The following WWP2 variants were observed in gnomAD, a reference collection of about 807,000 sequenced individuals.
WWP2 encodes NEDD4-like E3 ubiquitin-protein ligase WWP2.
A neutral mutation model predicts 121.0 loss-of-function variants in WWP2; 57 were observed. The observed-to-expected ratio is 0.47, with a 90% confidence interval of 0.38 to 0.59. WWP2 has a LOEUF of 0.59. Ranked by LOEUF, WWP2 falls within the 20% of genes least tolerant of loss-of-function variation. The pLI is 0.00. For missense variants in WWP2, 962 were observed against 1,158.9 expected, an observed-to-expected ratio of 0.83 and a Z score of 2.47; for synonymous variants, 449 against 441.3, an observed-to-expected ratio of 1.02 and a Z score of -0.22.
intron 8 of WWP2, among the ~76,000 whole-genome samples, chr16:69,902,888 T>C (rs1050672664): frequency 6.6e-6 from 1 of 151,866 alleles, no homozygotes; most frequent in African/African-American, 2.4e-5. Flanking sequence ...GGGGAGAGAT[T>C]TGTGTGAATT....
At position 69,901,175 on chromosome 16, in the gene WWP2, C is replaced by T. The variant is rs574844134; in HGVS notation, c.915-7586C>T. Among the ~76,000 whole-genome samples, 12 of 152,282 alleles carry T rather than the reference C, an allele frequency of 7.9e-5. No individual in the cohort carries two copies. In the South Asian group the frequency reaches 2.3e-3, roughly 29 times the overall value. On this transcript the variant is annotated intron_variant, in intron 8 of 23. Coordinates refer to ENST00000359154, the MANE Select transcript of WWP2 (RefSeq NM_001270454.2). ...CAGAAGAAATAAATCTTATGGTTCT[C>T]CCCGGAAGTGGCCAAAGCTTGGAGG...
At chr16:69,794,613 C>A (rs1375856297) in intron 2 of WWP2, among the ~76,000 whole-genome samples, 2 of 152,116 alleles carry the variant, frequency 1.3e-5, no homozygotes, top group African/African-American at 4.8e-5. Context: ...GCCTAGAAAT[C>A]AGAAGTAAGA....
intron 4 of WWP2, among the ~76,000 whole-genome samples, chr16:69,807,777 A>C (rs1043782539): frequency 6.6e-6 from 1 of 151,658 alleles, no homozygotes; most frequent in Non-Finnish European, 1.5e-5. Flanking sequence ...ACATAGTGAG[A>C]CCCTGTTTCT....
rs1023395496 is a variant in WWP2 at position 69,882,716 on chromosome 16, A to G, written c.704-5323A>G. Among the ~76,000 whole-genome samples, 5 of 152,222 alleles carry G rather than the reference A, an allele frequency of 3.3e-5. No homozygotes were observed. The South Asian group carries it at 1.0e-3, about 31-fold the overall frequency. ...GATGCAGCAAGAACACAAGGGACAG[A>G]GAGTGGAAGTAGTGAAAAATGCGGG... On this transcript the variant is annotated intron_variant, in intron 7 of 23. Coordinates refer to ENST00000359154, the MANE Select transcript of WWP2 (RefSeq NM_001270454.2).
intron 6 of WWP2, among the ~76,000 whole-genome samples, chr16:69,867,816 G>T (rs551322634): frequency 1.3e-5 from 2 of 152,330 alleles, no homozygotes; most frequent in Non-Finnish European, 2.9e-5. Context: ...GCCTGCCCTG[G>T]GGGCTGTATA....
At position 69,904,027 on chromosome 16, in the gene WWP2, T is replaced by C. The variant is rs1160436783; in HGVS notation, c.915-4734T>C. ...GAGTTCTCAGCTACTTAAATTGCAT[T>C]AGGAGCAGATGTTATAAAAGAGAGG... is the stretch of plus-strand genomic sequence containing the variant. On this transcript the variant is annotated intron_variant, in intron 8 of 23. Coordinates refer to ENST00000359154, the MANE Select transcript of WWP2 (RefSeq NM_001270454.2). Among the ~76,000 whole-genome samples, 2 of 152,248 alleles carry C rather than the reference T, an allele frequency of 1.3e-5. 1 individual carries two copies. The highest frequency in any genetic ancestry group is 2.9e-5 in the Non-Finnish European group (2 of 68,044).
At chr16:69,918,104 A>C (rs556921732) in intron 10 of WWP2, among the ~76,000 whole-genome samples, 8 of 152,184 alleles carry the variant, frequency 5.3e-5, no homozygotes, top group Non-Finnish European at 7.3e-5. Flanking sequence ...TAAGGAATCA[A>C]CGTGTCTAAA....
chr16:69,920,245 T>G lies in WWP2; in HGVS notation c.1179+2362T>G, dbSNP rs563228509. Reference sequence around the variant, plus strand: ...GCAGAGGTGAGCAGAAAGTGTGGTGTTTGTCTTAGTAAGTTGCTCCAGGGT... The same window carrying G: ...GCAGAGGTGAGCAGAAAGTGTGGTGGTTGTCTTAGTAAGTTGCTCCAGGGT... On this transcript the variant is annotated intron_variant, in intron 10 of 23. Coordinates refer to ENST00000359154, the MANE Select transcript of WWP2 (RefSeq NM_001270454.2). Among the ~76,000 whole-genome samples, 36 of 152,250 alleles carry G rather than the reference T, an allele frequency of 2.4e-4. 1 individual carries two copies. In the South Asian group the frequency reaches 7.3e-3, roughly 31 times the overall value.
intron 1 of WWP2, among the ~76,000 whole-genome samples, chr16:69,781,702 C>T (rs535079839): frequency 1.6e-4 from 24 of 151,992 alleles, no homozygotes; most frequent in African/African-American, 5.3e-4. Context: ...ATAATAGAAA[C>T]GGGATAATTT....
At chr16:69,850,216 C>T (rs1332787828) in intron 6 of WWP2, among the ~76,000 whole-genome samples, 1 of 151,988 alleles carries the variant, frequency 6.6e-6, no homozygotes, top group Non-Finnish European at 1.5e-5. Context: ...GAAACCCCGT[C>T]CCTACTAAAA....
intron 6 of WWP2, among the ~76,000 whole-genome samples, chr16:69,846,070 A>AAAAAAAAAAAAAAAG (rs58504050): frequency 2.0e-5 from 3 of 149,652 alleles, no homozygotes; most frequent in African/African-American, 7.4e-5. Flanking sequence ...AAAAAAAAAA[A>AAAAAAAAAAAAAAAG]GAATACTTAT....
intron 1 of WWP2, among the ~76,000 whole-genome samples, chr16:69,783,824 G>A (rs951593334): frequency 3.1e-5 from 4 of 127,322 alleles, no homozygotes; most frequent in Admixed American, 8.5e-5. Flanking sequence ...AGTTGTGGTG[G>A]CACATCTATA....
At chr16:69,840,827 G>A (rs1422599242) in intron 5 of WWP2, among the ~76,000 whole-genome samples, 1 of 152,176 alleles carries the variant, frequency 6.6e-6, no homozygotes, top group Non-Finnish European at 1.5e-5. Context: ...GAAATGGGTT[G>A]GGTTTCTCCA....
At chr16:69,912,565 A>G (rs1485905006) in intron 9 of WWP2, among the ~76,000 whole-genome samples, 3 of 151,930 alleles carry the variant, frequency 2.0e-5, no homozygotes, top group Non-Finnish European at 4.4e-5. Flanking sequence ...ATTGGAGGGT[A>G]GTTTTGTTTG....
In WWP2 at chr16:69,799,218, G is replaced by T; in HGVS notation, c.263G>T (p.Cys88Phe). 1 of 1,614,098 alleles carries T rather than the reference G, an allele frequency of 6.2e-7. No individual in the cohort carries two copies. Among genetic ancestry groups the T allele is most frequent in the Non-Finnish European group, 8.5e-7 (1 of 1,180,002 alleles). ...CATTTAGATTTAAAGGTCTGGAGCT[G>T]CCATACCTTGAGAAATGAACTGCTA... is the stretch of plus-strand genomic sequence containing the variant. Reference protein sequence around the residue: ...QSHLDLKVWSCHTLRNELLGT... With the variant: ...QSHLDLKVWSFHTLRNELLGT... The change falls in exon 4 of 24, where the codon TGC becomes TTC. Residue 88 changes from cysteine to phenylalanine, a missense_variant. This residue lies in a region of WWP2 where 145 missense variants were observed against 189.8 expected (regional missense o/e 0.76). Transcript: ENST00000359154. The surrounding 1 kb of genome is among the most constrained non-coding windows in gnomAD (Gnocchi z 4.5).
Position 69,934,030 on chromosome 16 carries a change from T to C in WWP2, c.1743T>C (p.Tyr581=). Residue 581 remains tyrosine (Y), a synonymous_variant, in exon 17 of 24, where the codon TAT becomes TAC. Transcript: ENST00000359154. ...VLNPMYCLFE[Y]AGKNNYCLQI... ...ACCCTATGTATTGTTTATTTGAATA[T>C]GCCGGAAAGAACAATTACTGCCTGC... 1 of 1,614,188 alleles carries C rather than the reference T, an allele frequency of 6.2e-7. No homozygotes were observed. Among genetic ancestry groups the C allele is most frequent in the South Asian group, 1.1e-5 (1 of 91,084 alleles).
At chr16:69,813,479 TAAATTGTTTGTTTATTTTAGATAG>T (rs1303314642) in intron 4 of WWP2, among the ~76,000 whole-genome samples, 2 of 152,116 alleles carry the variant, frequency 1.3e-5, no homozygotes, top group Non-Finnish European at 2.9e-5. Context: ...TGTTGTTTTT[TAAATTGTTTGTTTATTTTAGATAG>T]AGTCTTGCTC....
At chr16:69,877,805 T>G (rs2057759501) in intron 7 of WWP2, among the ~76,000 whole-genome samples, 1 of 151,994 alleles carries the variant, frequency 6.6e-6, no homozygotes, top group African/African-American at 2.4e-5. Flanking sequence ...AATTTGCTTT[T>G]TATTTATTTA....
intron 1 of WWP2, among the ~76,000 whole-genome samples, chr16:69,771,263 T>G (rs2055408917): frequency 6.6e-6 from 1 of 152,192 alleles, no homozygotes; most frequent in South Asian, 2.1e-4. Flanking sequence ...TTATTTTTCT[T>G]TTTGAGATGA....
Sources: allele counts gnomAD v4.1 joint callset (sites outside exome capture counted in the v4.1 genomes callset), GRCh38; gene constraint gnomAD v4.1.1; regional missense constraint gnomAD v4.1.1; non-coding constraint Gnocchi (gnomAD v3.1); transcripts MANE v1.5; gene names NCBI Gene and HGNC (gene_info 2026-07-23, HGNC 2026-07-21).